Variants in BMPER observed in about 807,000 individuals in gnomAD.
The protein encoded by BMPER is BMP-binding endothelial regulator protein.
A neutral mutation model predicts 87.3 loss-of-function variants in BMPER; 45 were observed. That is an observed-to-expected ratio of 0.52 (90% CI 0.41 to 0.66). The LOEUF (loss-of-function observed/expected upper bound fraction) is 0.66, where lower values mean the gene tolerates loss of function less well. Ranked by LOEUF, BMPER falls within the 30% of genes least tolerant of loss-of-function variation. The pLI is 0.00. For missense variants in BMPER, 784 were observed against 867.5 expected, an observed-to-expected ratio of 0.90 and a Z score of 1.21; for synonymous variants, 326 against 316.2, an observed-to-expected ratio of 1.03 and a Z score of -0.33.
At chr7:33,970,692 A>G (rs376077829) in intron 5 of BMPER, among the ~76,000 whole-genome samples, 1 of 152,152 alleles carries the variant, frequency 6.6e-6, no homozygotes, top group East Asian at 1.9e-4. Flanking sequence ...TTATTTTGGA[A>G]GAAAAGGCTG....
At chr7:34,076,579 A>C (rs1311373248) in intron 11 of BMPER, among the ~76,000 whole-genome samples, 3 of 152,096 alleles carry the variant, frequency 2.0e-5, no homozygotes, top group Non-Finnish European at 2.9e-5. Flanking sequence ...CATTTTATGG[A>C]TTGTATTACA....
At chr7:34,049,730 A>G (rs559680708) in intron 7 of BMPER, among the ~76,000 whole-genome samples, 1 of 152,238 alleles carries the variant, frequency 6.6e-6, no homozygotes, top group African/African-American at 2.4e-5. Flanking sequence ...GATAAAGGAT[A>G]GTAAAAAGGC....
In BMPER at chr7:34,156,065, G is replaced by A. The variant is rs1562778148; in HGVS notation, c.*2792G>A. Among the ~76,000 whole-genome samples, 2 of 152,156 alleles carry A rather than the reference G, an allele frequency of 1.3e-5. No individual in the cohort carries two copies. The highest frequency in any genetic ancestry group is 1.9e-4 in the East Asian group (1 of 5,188). On this transcript the variant is annotated 3_prime_UTR_variant, in exon 15 of 15. Transcript: ENST00000649409. Reference sequence around the variant, plus strand: ...TTTGGCATCGACAAGAGCAATTTTTGTTAAAACTGTGGTACACTAAGAATC... The same window carrying A: ...TTTGGCATCGACAAGAGCAATTTTTATTAAAACTGTGGTACACTAAGAATC...
chr7:34,031,849 T>A (rs913566221), intron 6 of BMPER, among the ~76,000 whole-genome samples: 1 of 145,322 alleles, frequency 6.9e-6, no homozygotes, highest in Non-Finnish European at 1.5e-5. Context: ...TTTATTATTT[T>A]ATGGAGCTGC....
chr7:34,032,850 A>G (rs1787565086), intron 6 of BMPER, among the ~76,000 whole-genome samples: 1 of 152,150 alleles, frequency 6.6e-6, no homozygotes, highest in Admixed American at 6.6e-5. Context: ...ACCATTTTCC[A>G]GCAGGACTGA....
intron 14 of BMPER, among the ~76,000 whole-genome samples, chr7:34,144,468 G>T (rs951422470): frequency 4.6e-5 from 7 of 150,750 alleles, no homozygotes; most frequent in Non-Finnish European, 7.4e-5. Context: ...TAAATTGGAA[G>T]GGGACAAGAT....
intron 6 of BMPER, among the ~76,000 whole-genome samples, chr7:33,995,884 G>T (rs1483587647): frequency 2.0e-5 from 3 of 152,180 alleles, no homozygotes; most frequent in East Asian, 1.9e-4. Context: ...TGAGGCCAGG[G>T]TGCCCTGGTG....
chr7:34,019,353 T>A (rs1787120057), intron 6 of BMPER, among the ~76,000 whole-genome samples: 1 of 152,000 alleles, frequency 6.6e-6, no homozygotes, highest in African/African-American at 2.4e-5. Context: ...AGGGCCAAGA[T>A]CAAGGGCTTC....
At chr7:33,964,940 G>A (rs891111952) in intron 3 of BMPER, among the ~76,000 whole-genome samples, 8 of 152,020 alleles carry the variant, frequency 5.3e-5, no homozygotes, top group African/African-American at 1.7e-4. Flanking sequence ...TCCATCTCTC[G>A]GAACAAGTTA....
chr7:34,011,583 CAAAAAAA>C (rs36022297), intron 6 of BMPER, among the ~76,000 whole-genome samples: 1,334 of 45,806 alleles, frequency 0.029, 17 homozygotes, highest in African/African-American at 0.079. Context: ...TTGGTCAGGG[CAAAAAAA>C]AAAAAAAAAA....
intron 5 of BMPER, among the ~76,000 whole-genome samples, chr7:33,971,692 A>T (rs913186551): frequency 6.6e-6 from 1 of 152,162 alleles, no homozygotes; most frequent in Non-Finnish European, 1.5e-5. Context: ...ATCCTTAAAA[A>T]AATCAATCTT....
intron 13 of BMPER, among the ~76,000 whole-genome samples, chr7:34,129,584 GAGAGAGAGAGAGAGAGAGAGAGAGAA>G (rs1271497527): frequency 8.9e-5 from 4 of 44,728 alleles, no homozygotes; most frequent in Non-Finnish European, 4.6e-5. Flanking sequence ...GAAGGAGAGA[GAGAGAGAGAGAGAGAGAGAGAGAGAA>G]AGAGAGAGAG....
At chr7:34,132,201 A>G (rs777842829) in intron 13 of BMPER, among the ~76,000 whole-genome samples, 2 of 152,164 alleles carry the variant, frequency 1.3e-5, no homozygotes, top group East Asian at 3.9e-4. Context: ...CAGACATGAG[A>G]AGCAACATTG....
intron 6 of BMPER, among the ~76,000 whole-genome samples, chr7:33,987,372 G>A (rs1464549135): frequency 6.6e-6 from 1 of 152,124 alleles, no homozygotes; most frequent in East Asian, 1.9e-4. Flanking sequence ...AAGATTGGAG[G>A]ATGCTGAACC....
intron 3 of BMPER, among the ~76,000 whole-genome samples, chr7:33,939,344 T>G (rs1478193892): frequency 6.6e-6 from 1 of 152,152 alleles, no homozygotes; most frequent in Admixed American, 6.5e-5. Flanking sequence ...AACATTCTTT[T>G]TGGGCTTAAG....
intron 1 of BMPER, 65 bp downstream of exon 1, chr7:33,905,811 GCT>G: frequency 2.7e-6 from 4 of 1,456,618 alleles, no homozygotes; most frequent in Non-Finnish European, 3.8e-6. Context: ...GAAAGGTGGC[GCT>G]GGCTTGCCCC....
intron 13 of BMPER, among the ~76,000 whole-genome samples, chr7:34,099,284 A>G (rs1049516970): frequency 1.3e-5 from 2 of 152,220 alleles, no homozygotes; most frequent in Non-Finnish European, 1.5e-5. Context: ...GCTTTTGACC[A>G]TTACCACCAT....
chr7:34,026,729 T>C (rs1020480443), intron 6 of BMPER, among the ~76,000 whole-genome samples: 1 of 152,122 alleles, frequency 6.6e-6, no homozygotes, highest in African/African-American at 2.4e-5. Flanking sequence ...AAGTGCAAAC[T>C]CCAGAGACAT....
At chr7:33,966,585 C>A in intron 4 of BMPER, 24 bp downstream of exon 4, 2 of 1,607,810 alleles carry the variant, frequency 1.2e-6, no homozygotes, top group Non-Finnish European at 1.7e-6. Flanking sequence ...ATTTCTCTCT[C>A]CAGTAAAAAG....
Sources: allele counts gnomAD v4.1 joint callset (sites outside exome capture counted in the v4.1 genomes callset), GRCh38; gene constraint gnomAD v4.1.1; transcripts MANE v1.5; gene names NCBI Gene and HGNC (gene_info 2026-07-23, HGNC 2026-07-21).